The following ARMC8 variants were observed in gnomAD, a reference collection of about 807,000 sequenced individuals.
The protein encoded by ARMC8 is armadillo repeat-containing protein 8.
ARMC8 carries 20 observed loss-of-function variants against 99.3 expected under a neutral mutation model. The observed-to-expected ratio is 0.20, with a 90% CI of 0.14 to 0.29. The LOEUF (loss-of-function observed/expected upper bound fraction) is 0.29. ARMC8 is among the 10% of genes least tolerant of loss of function. The pLI is 1.00. For missense variants in ARMC8, 569 were observed against 809.5 expected (o/e 0.70, Z 3.60); for synonymous variants, 263 against 278.3 (o/e 0.95, Z 0.55).
At chr3:138,204,276 T>C (rs1017064314) in intron 1 of ARMC8, among the ~76,000 whole-genome samples, 2 of 152,192 alleles carry the variant, frequency 1.3e-5, no homozygotes, top group African/African-American at 4.8e-5. Context: ...CCTCTTGTTA[T>C]TGTACTTACA....
intron 12 of ARMC8, among the ~76,000 whole-genome samples, chr3:138,255,161 C>T (rs1576782524): frequency 1.3e-5 from 2 of 151,648 alleles, no homozygotes; most frequent in African/African-American, 4.8e-5. Context: ...TTTCCTCCCA[C>T]CCCATGCCTC....
At position 138,243,259 on chromosome 3, in the gene ARMC8, A is replaced by G. The variant is rs762413991; in HGVS notation, c.1038+1276A>G. The stretch of plus-strand genomic sequence containing the variant: ...CTGTTAGTTTTTCCATTTCATTTCC[A>G]TCAGAGTAAAACTGTAACAACAATA... On this transcript the variant is annotated intron_variant, in intron 11 of 21. Coordinates refer to ENST00000469044, the MANE Select transcript of ARMC8 (RefSeq NM_001363941.2). 3.3e-5 allele frequency among the ~76,000 whole-genome samples: 5 copies of G among 152,222 alleles called. No individual in the cohort carries two copies. The South Asian group carries it at 6.2e-4, about 19-fold the overall frequency.
intron 10 of ARMC8, among the ~76,000 whole-genome samples, chr3:138,240,659 T>C (rs1391634123): frequency 1.3e-5 from 2 of 152,158 alleles, no homozygotes; most frequent in Admixed American, 6.5e-5. Context: ...AATAGGAAAT[T>C]AGTAGTGAAC....
chr3:138,285,160 G>T (rs1272278891), intron 19 of ARMC8, among the ~76,000 whole-genome samples: 2 of 152,166 alleles, frequency 1.3e-5, no homozygotes, highest in African/African-American at 4.8e-5. Flanking sequence ...GCTCCTCCTA[G>T]TGTCCTTCAG....
intron 1 of ARMC8, among the ~76,000 whole-genome samples, chr3:138,192,544 T>C (rs2043455036): frequency 6.6e-6 from 1 of 152,190 alleles, no homozygotes; most frequent in Non-Finnish European, 1.5e-5. Flanking sequence ...CCCAGAGTGC[T>C]GGGATTACAG....
intron 1 of ARMC8, chr3:138,187,866 T>C (rs965701533): frequency 5.7e-6 from 3 of 522,500 alleles, no homozygotes; most frequent in Non-Finnish European, 1.0e-5. Context: ...GCTGGGCTTA[T>C]AGACAACTGG....
chr3:138,242,570 A>G (rs2046678786), intron 11 of ARMC8, among the ~76,000 whole-genome samples: 1 of 152,178 alleles, frequency 6.6e-6, no homozygotes, highest in Non-Finnish European at 1.5e-5. Context: ...GACTTGTTGC[A>G]TCTCAGCCTG....
intron 5 of ARMC8, among the ~76,000 whole-genome samples, chr3:138,228,213 G>C (rs113783217): frequency 0.066 from 10,017 of 152,228 alleles, 1,101 homozygotes; most frequent in African/African-American, 0.23. Flanking sequence ...CTCCTTACCT[G>C]AGGAGATCTG....
intron 6 of ARMC8, among the ~76,000 whole-genome samples, chr3:138,232,300 T>G (rs1472406992): frequency 2.6e-5 from 4 of 152,180 alleles, no homozygotes; most frequent in African/African-American, 9.6e-5. Context: ...TTACACAATT[T>G]TGTGTACAAC....
At chr3:138,193,666 A>G (rs945960748) in intron 1 of ARMC8, among the ~76,000 whole-genome samples, 2 of 152,226 alleles carry the variant, frequency 1.3e-5, no homozygotes, top group African/African-American at 4.8e-5. Context: ...TCTTAACCAC[A>G]ATTTAAGATG....
rs935944920 is a variant in ARMC8, at chr3:138,296,723, T to C, written c.*831T>C. The C allele has an allele frequency of 2.0e-5, 3 of 152,138 alleles. No homozygotes were observed. The highest frequency in any genetic ancestry group is 4.4e-5 in the Non-Finnish European group (3 of 68,034). 9.4% of individuals were successfully genotyped at this position (152,138 alleles called of 1,614,324 possible). On this transcript the variant is annotated 3_prime_UTR_variant, in exon 22 of 22. Transcript: ENST00000469044. ...TTCCAAGTCAAATGGAGAAGTAAAG[T>C]GAGGCAACAGATTCACCATAGGCTT... is the stretch of plus-strand genomic sequence containing the variant.
chr3:138,227,386 G>A (rs1193983532), intron 5 of ARMC8, among the ~76,000 whole-genome samples: 1 of 152,146 alleles, frequency 6.6e-6, no homozygotes. Context: ...TATCTTAGCT[G>A]CTACCTGCTT....
rs1037821525 is a variant in ARMC8, at chr3:138,223,620, T to C, written c.338-16T>C. ...TGGTTGAAAGGATTAGTCCTAAATCTCATTTCTGTTAATAGGACTACTGTC... is the reference window on the plus strand; with the variant it reads ...TGGTTGAAAGGATTAGTCCTAAATCCCATTTCTGTTAATAGGACTACTGTC... On this transcript the variant is annotated splice_polypyrimidine_tract_variant and intron_variant, in intron 4 of 21. Coordinates refer to ENST00000469044, the MANE Select transcript of ARMC8 (RefSeq NM_001363941.2). The C allele has an allele frequency of 3.1e-6, 5 of 1,613,864 alleles. No individual in the cohort carries two copies. Among genetic ancestry groups the C allele is most frequent in the Non-Finnish European group, 4.2e-6 (5 of 1,179,690 alleles).
intron 15 of ARMC8, among the ~76,000 whole-genome samples, chr3:138,269,474 T>C (rs1425065218): frequency 1.3e-5 from 2 of 152,218 alleles, no homozygotes; most frequent in Non-Finnish European, 2.9e-5. Context: ...AGGACTGTTT[T>C]GCTTGTATAA....
chr3:138,236,577 C>T (rs2046345777), intron 7 of ARMC8, among the ~76,000 whole-genome samples: 2 of 152,264 alleles, frequency 1.3e-5, no homozygotes, highest in Admixed American at 6.5e-5. Flanking sequence ...TGGGCACATG[C>T]TAGTGCTGCA....
At chr3:138,291,792 A>G (rs1317260655) in intron 21 of ARMC8, among the ~76,000 whole-genome samples, 1 of 152,204 alleles carries the variant, frequency 6.6e-6, no homozygotes, top group Admixed American at 6.5e-5. Flanking sequence ...AGTGGGTTCA[A>G]AGGCCCTGAA....
intron 2 of ARMC8, among the ~76,000 whole-genome samples, chr3:138,219,024 G>A (rs577935983): frequency 6.6e-6 from 1 of 152,206 alleles, no homozygotes; most frequent in Admixed American, 6.5e-5. Context: ...TGGCCATAAT[G>A]GAAAAAACAG....
intron 1 of ARMC8, among the ~76,000 whole-genome samples, chr3:138,208,391 G>A (rs1379833824): frequency 6.6e-6 from 1 of 152,210 alleles, no homozygotes; most frequent in African/African-American, 2.4e-5. Flanking sequence ...GCTTGAACCC[G>A]AGAGGCGGAG....
chr3:138,288,904 T>G, intron 19 of ARMC8, 144 bp from the exon 20 acceptor site: 1 of 615,430 alleles, frequency 1.6e-6, no homozygotes. Context: ...CCCAAAGTGC[T>G]GGGATTACAG....
Sources: gnomAD v4.1 joint callset for allele counts (sites outside exome capture counted in the v4.1 genomes callset) on GRCh38, gnomAD v4.1.1 for gene constraint, MANE v1.5 for transcripts, NCBI Gene and HGNC (gene_info 2026-07-23, HGNC 2026-07-21) for gene names.